RAPGEF6: variants seen among roughly 807,000 people sequenced by gnomAD.
The protein encoded by RAPGEF6 is PDZ domain containing guanine nucleotide exchange factor (GEF) 2.
A neutral mutation model predicts 171.4 loss-of-function variants in RAPGEF6; 56 were observed. That is an observed-to-expected ratio of 0.33 (90% CI 0.26 to 0.41). RAPGEF6 has a LOEUF of 0.41. Ranked by LOEUF, RAPGEF6 falls within the 10% of genes least tolerant of loss-of-function variation. The pLI is 1.00. For missense variants in RAPGEF6, 1,674 were observed against 1,921.4 expected, an observed-to-expected ratio of 0.87 and a Z score of 2.41; for synonymous variants, 692 against 650.1, an observed-to-expected ratio of 1.06 and a Z score of -0.98.
At chr5:131,614,113 C>A (rs1765115970) in intron 1 of RAPGEF6, among the ~76,000 whole-genome samples, 4 of 151,904 alleles carry the variant, frequency 2.6e-5, no homozygotes, top group Non-Finnish European at 5.9e-5. Context: ...GAAACCCCAT[C>A]TCTACTAAAA....
intron 1 of RAPGEF6, among the ~76,000 whole-genome samples, chr5:131,621,487 G>T (rs1765589755): frequency 6.6e-6 from 1 of 151,840 alleles, no homozygotes; most frequent in Non-Finnish European, 1.5e-5. Flanking sequence ...TCACCATGTT[G>T]CCCAGGCTGG....
chr5:131,587,282 A>G (rs1580629533), intron 4 of RAPGEF6, among the ~76,000 whole-genome samples: 1 of 152,196 alleles, frequency 6.6e-6, no homozygotes, highest in African/African-American at 2.4e-5. Context: ...TGCATCTAAT[A>G]TACAAAAATG....
At chr5:131,444,015 G>C (rs1752539455) in intron 22 of RAPGEF6, among the ~76,000 whole-genome samples, 1 of 152,118 alleles carries the variant, frequency 6.6e-6, no homozygotes, top group African/African-American at 2.4e-5. Flanking sequence ...TAGTCCAAGG[G>C]GAAGACATTC....
chr5:131,517,989 G>A (rs186390287), intron 7 of RAPGEF6, among the ~76,000 whole-genome samples: 28 of 148,396 alleles, frequency 1.9e-4, no homozygotes, highest in Admixed American at 8.0e-4. Flanking sequence ...ATCTATTTAC[G>A]TCCTCCTTAA....
At chr5:131,461,487 C>T in intron 19 of RAPGEF6, among the ~76,000 whole-genome samples, 1 of 152,026 alleles carries the variant, frequency 6.6e-6, no homozygotes, top group Non-Finnish European at 1.5e-5. Flanking sequence ...CAATCACCCA[C>T]TTTCATTTAC....
At chr5:131,601,997 T>C (rs1303740159) in intron 3 of RAPGEF6, among the ~76,000 whole-genome samples, 2 of 149,044 alleles carry the variant, frequency 1.3e-5, no homozygotes, top group African/African-American at 4.9e-5. Context: ...ATTGTGCCAG[T>C]GTACTCCAGC....
rs192725816 is a variant in RAPGEF6 at position 131,484,290 on chromosome 5, G to A, written c.1841-4537C>T. On this transcript the variant is annotated intron_variant, in intron 15 of 27. Coordinates refer to ENST00000509018, the MANE Select transcript of RAPGEF6 (RefSeq NM_016340.6). The stretch of plus-strand genomic sequence containing the variant: ...TTGCCAGGCTGGAGTGCAGTGGTGC[G>A]ATCTTGGCTCACTGCAACCTCCGCC... Among the ~76,000 whole-genome samples the A allele has an allele frequency of 9.0e-3, 1,231 of 136,174 alleles. 9 individuals carry two copies. The highest frequency in any genetic ancestry group is 0.017 in the Admixed American group (217 of 12,996). The allele number at this position is 136,174 out of a possible 152,430, so 89.3% of individuals were successfully genotyped here. A position where few individuals can be genotyped will look rare whatever the true frequency, so the allele number is the denominator to read the frequency against.
chr5:131,555,903 TAGAC>T (rs1761208025), intron 5 of RAPGEF6, among the ~76,000 whole-genome samples: 1 of 152,168 alleles, frequency 6.6e-6, no homozygotes, highest in African/African-American at 2.4e-5. Flanking sequence ...CACTTACACA[TAGAC>T]AGTATAGCCT....
chr5:131,484,218 G>A (rs1755709329), intron 15 of RAPGEF6, among the ~76,000 whole-genome samples: 3 of 144,768 alleles, frequency 2.1e-5, no homozygotes, highest in Admixed American at 6.9e-5. Flanking sequence ...ACCCACTGCA[G>A]AGGCTTTTTT....
intron 1 of RAPGEF6, among the ~76,000 whole-genome samples, chr5:131,631,714 A>G (rs530475205): frequency 6.6e-6 from 1 of 152,316 alleles, no homozygotes; most frequent in East Asian, 1.9e-4. Context: ...TGGGAGGTTG[A>G]AGCAGGAGAA....
In RAPGEF6 at chr5:131,592,657, A is replaced by C. The variant is rs574041971; in HGVS notation, c.198-191T>G. On this transcript the variant is annotated intron_variant, in intron 3 of 27. Transcript: ENST00000509018. ...CCACGTTTATGTGAAATAAAAGTAT[A>C]ATCACTATCTTAAGATACATACTAT... Among the ~76,000 whole-genome samples the C allele has an allele frequency of 2.0e-4, 30 of 152,362 alleles. No homozygotes were observed. The South Asian group carries it at 6.2e-3, about 32-fold the overall frequency.
chr5:131,613,905 C>T (rs1379988375), intron 1 of RAPGEF6, among the ~76,000 whole-genome samples: 1 of 152,168 alleles, frequency 6.6e-6, no homozygotes, highest in Non-Finnish European at 1.5e-5. Context: ...GCTAGTGACA[C>T]CGAGAAGCAA....
intron 3 of RAPGEF6, among the ~76,000 whole-genome samples, chr5:131,598,262 C>A (rs1764020129): frequency 6.6e-6 from 1 of 151,690 alleles, no homozygotes; most frequent in Non-Finnish European, 1.5e-5. Flanking sequence ...GAAAATAAGG[C>A]AGTAGAAAAT....
chr5:131,546,368 T>C (rs1046527403), intron 6 of RAPGEF6, among the ~76,000 whole-genome samples: 2 of 152,094 alleles, frequency 1.3e-5, no homozygotes, highest in Admixed American at 1.3e-4. Flanking sequence ...CACTTTGGGA[T>C]GCCGAGGTGT....
chr5:131,448,884 G>C (rs1752885816), intron 21 of RAPGEF6, among the ~76,000 whole-genome samples: 1 of 152,070 alleles, frequency 6.6e-6, no homozygotes. Flanking sequence ...TTTTCAGTGA[G>C]AAGAGCCAAA....
At chr5:131,524,637 A>G (rs1460337630) in intron 6 of RAPGEF6, among the ~76,000 whole-genome samples, 1 of 118,602 alleles carries the variant, frequency 8.4e-6, no homozygotes, top group Admixed American at 9.0e-5. Flanking sequence ...AGAGAGAGAG[A>G]GAGAGACTTG....
chr5:131,443,435 G>A (rs1474592815), intron 22 of RAPGEF6, among the ~76,000 whole-genome samples: 1 of 152,184 alleles, frequency 6.6e-6, no homozygotes, highest in East Asian at 1.9e-4. Context: ...TGAGGGTCAA[G>A]TTAACATTCT....
intron 4 of RAPGEF6, among the ~76,000 whole-genome samples, chr5:131,590,676 A>C (rs1248408705): frequency 2.0e-5 from 3 of 152,196 alleles, no homozygotes; most frequent in Admixed American, 6.5e-5. Context: ...GTTTATGATT[A>C]CATTAATGCA....
chr5:131,525,001 C>T (rs140711258), intron 6 of RAPGEF6, among the ~76,000 whole-genome samples: 3 of 152,134 alleles, frequency 2.0e-5, no homozygotes, highest in Non-Finnish European at 4.4e-5. Flanking sequence ...TAAATACATG[C>T]AATTATTATT....
Sources: gnomAD v4.1 joint callset for allele counts (sites outside exome capture counted in the v4.1 genomes callset) on GRCh38, gnomAD v4.1.1 for gene constraint, MANE v1.5 for transcripts, NCBI Gene and HGNC (gene_info 2026-07-23, HGNC 2026-07-21) for gene names.